Variants in NCAPD2 observed in about 807,000 individuals in gnomAD.
NCAPD2 encodes condensin complex subunit 1.
A neutral mutation model predicts 164.5 loss-of-function variants in NCAPD2; 100 were observed. The observed-to-expected ratio is 0.61, with a 90% CI of 0.52 to 0.72. The LOEUF (loss-of-function observed/expected upper bound fraction) is 0.72, where lower values mean the gene tolerates loss of function less well. Among genes scored for constraint, NCAPD2 ranks in the 30% least tolerant of loss-of-function variants. The probability of loss-of-function intolerance (pLI) is 0.00; values close to 1 mark genes in which losing one functional copy is unlikely to be tolerated. For missense variants in NCAPD2, 1,560 were observed against 1,749.2 expected, an observed-to-expected ratio of 0.89 and a Z score of 1.93; for synonymous variants, 585 against 642.6, an observed-to-expected ratio of 0.91 and a Z score of 1.36.
In NCAPD2 at chr12:6,530,818, G is replaced by A. The variant is rs774995287; in HGVS notation, c.3964+1G>A. ...CCATCAGCCAAGAAACCATCCACTGGTACGTAAGGCAGCCTGTGCGGGCGA... is the reference window on the plus strand; with the variant it reads ...CCATCAGCCAAGAAACCATCCACTGATACGTAAGGCAGCCTGTGCGGGCGA... On this transcript the variant is annotated splice_donor_variant, in intron 30 of 31. Transcript: ENST00000315579. LOFTEE classifies it high-confidence loss of function. 2.8e-5 allele frequency: 45 copies of A among 1,614,052 alleles called. No individual in the cohort carries two copies. The highest frequency in any genetic ancestry group is 3.7e-5 in the Non-Finnish European group (44 of 1,180,044).
chr12:6,527,211 C>A, intron 22 of NCAPD2, 148 bp downstream of exon 22: 2 of 860,704 alleles, frequency 2.3e-6, no homozygotes, highest in South Asian at 2.2e-5. Context: ...AGGAAAGGTT[C>A]GTGTGAACAA....
Position 6,528,543 on chromosome 12 carries a change from C to T in NCAPD2, c.3300-136C>T, listed in dbSNP as rs866494263. 5 of 1,209,436 alleles carry T rather than the reference C, an allele frequency of 4.1e-6. No homozygotes were observed. The highest frequency in any genetic ancestry group is 2.5e-4 in the Middle Eastern group (1 of 4,048). 74.9% of individuals were successfully genotyped at this position (1,209,436 alleles called of 1,614,324 possible). On this transcript the variant is annotated intron_variant, in intron 25 of 31. Coordinates refer to ENST00000315579, the MANE Select transcript of NCAPD2 (RefSeq NM_014865.4). This position sits in a 1 kb window ranked among gnomAD's most constrained non-coding sequence, Gnocchi z 5.1. ...CACCTCTTTCCCCCACTCCAGCTTT[C>T]AACTCTAGACAGCTTTCTGACTGCT... is the stretch of plus-strand genomic sequence containing the variant.
intron 2 of NCAPD2, among the ~76,000 whole-genome samples, chr12:6,504,182 C>CATATATATATATATAT (rs1176237960): frequency 1.2e-4 from 7 of 57,730 alleles, no homozygotes; most frequent in Admixed American, 2.2e-4. Flanking sequence ...TATATATATA[C>CATATATATATATATAT]ATATATATAT....
At chr12:6,516,789 T>C in intron 9 of NCAPD2, 39 bp from the exon 10 acceptor site, 1 of 1,600,572 alleles carries the variant, frequency 6.2e-7, no homozygotes, top group African/African-American at 1.3e-5. Context: ...AGCTTCGCCT[T>C]GACTAAAGGT....
Position 6,531,503 on chromosome 12 carries a change from CT to C in NCAPD2, c.*99del, listed in dbSNP as rs796305141. 0.043 allele frequency: 52,154 copies of C among 1,221,722 alleles called. 56 individuals carry two copies. The highest frequency in any genetic ancestry group is 0.098 in the East Asian group (2,818 of 28,856). 75.7% of individuals were successfully genotyped at this position (1,221,722 alleles called of 1,614,324 possible). A position where few individuals can be genotyped will look rare whatever the true frequency, so the allele number is the denominator to read the frequency against. On this transcript the variant is annotated 3_prime_UTR_variant, in exon 32 of 32. Transcript: ENST00000315579. This position sits in a 1 kb window ranked among gnomAD's most constrained non-coding sequence, Gnocchi z 4.1. ...TCCCTTGTAAAATATTTGTCTGTCT[CT>C]TTTTTTTAAAAAAAAAAAAGGCCGG... is the stretch of plus-strand genomic sequence containing the variant.
rs1234973613 is a variant in NCAPD2 at position 6,529,443 on chromosome 12, C to T, written c.3573-70C>T. 1.0e-5 allele frequency: 14 copies of T among 1,367,774 alleles called. No homozygotes were observed. In the Admixed American group the frequency reaches 2.4e-4, roughly 23 times the overall value. The allele number at this position is 1,367,774 out of a possible 1,614,324, so 84.7% of individuals were successfully genotyped here. A position where few individuals can be genotyped will look rare whatever the true frequency, so the allele number is the denominator to read the frequency against. Reference sequence around the variant, plus strand: ...AGAAGACGAGTGCTGGGGGAGGGTCCAGGGTTGGTCTTAGTGGATGGCAGA... The same window carrying T: ...AGAAGACGAGTGCTGGGGGAGGGTCTAGGGTTGGTCTTAGTGGATGGCAGA... On this transcript the variant is annotated intron_variant, in intron 27 of 31. Coordinates refer to ENST00000315579, the MANE Select transcript of NCAPD2 (RefSeq NM_014865.4).
In NCAPD2 at chr12:6,531,489, A is replaced by G; in HGVS notation, c.*77A>G. 3.2e-6 allele frequency: 5 copies of G among 1,568,546 alleles called. No homozygotes were observed. Among genetic ancestry groups the G allele is most frequent in the Non-Finnish European group, 4.3e-6 (5 of 1,158,872 alleles). On this transcript the variant is annotated 3_prime_UTR_variant, in exon 32 of 32. Transcript: ENST00000315579. This position sits in a 1 kb window ranked among gnomAD's most constrained non-coding sequence, Gnocchi z 4.1. ...ATTCGAATTCTGTTTCCCTTGTAAAATATTTGTCTGTCTCTTTTTTTTAAA... is the reference window on the plus strand; with the variant it reads ...ATTCGAATTCTGTTTCCCTTGTAAAGTATTTGTCTGTCTCTTTTTTTTAAA...
Position 6,528,044 on chromosome 12 carries a change from C to A in NCAPD2, c.3096C>A (p.Asp1032Glu), listed in dbSNP as rs1946332573. The A allele has an allele frequency of 1.2e-6, 2 of 1,614,128 alleles. No homozygotes were observed. Among genetic ancestry groups the A allele is most frequent in the East Asian group, 2.2e-5 (1 of 44,902 alleles). ...ACCCAGGCCTCTATAGCAACCCAGA[C>A]CTCTCTGCAGCTGCTTCACTTGCCC... The part of the protein sequence containing the change: ...CNNPGLYSNP[D>E]LSAAASLALG... The change falls in exon 24 of 32, where the codon GAC becomes GAA. Residue 1032 changes from aspartate to glutamate, a missense_variant. Transcript: ENST00000315579. The surrounding 1 kb of genome is among the most constrained non-coding windows in gnomAD (Gnocchi z 5.1).
intron 2 of NCAPD2, among the ~76,000 whole-genome samples, chr12:6,505,124 G>A (rs1447502756): frequency 6.6e-6 from 1 of 152,152 alleles, no homozygotes; most frequent in East Asian, 1.9e-4. Context: ...GGAGTGCAGT[G>A]GCATGATCTC....
At chr12:6,497,276 G>A (rs971879064) in intron 2 of NCAPD2, among the ~76,000 whole-genome samples, 8 of 142,658 alleles carry the variant, frequency 5.6e-5, no homozygotes, top group African/African-American at 2.1e-4. Flanking sequence ...TTATAATGAT[G>A]CATCATTTTT....
rs761167790 is a variant in NCAPD2, at chr12:6,517,404, G to A, written c.1225G>A (p.Ala409Thr). The change falls in exon 11 of 32, where the codon GCT becomes ACT. Residue 409 changes from alanine to threonine, a missense_variant. Ala to Thr is a moderately conservative substitution (Grantham distance 58). Transcript: ENST00000315579. ...ACGTTTCCAGGCAGTGGTGGCTTTA[G>A]CTGTGGGACGTCTGGCAGACAAGTC... is the stretch of plus-strand genomic sequence containing the variant. ...LTRFQAVVAL[A>T]VGRLADKSVL... 1 of 1,614,220 alleles carries A rather than the reference G, an allele frequency of 6.2e-7. No homozygotes were observed. The highest frequency in any genetic ancestry group is 8.5e-7 in the Non-Finnish European group (1 of 1,180,046).
chr12:6,530,625 C>T (rs557555619), intron 29 of NCAPD2, 66 bp from the exon 30 acceptor site: 75 of 1,598,492 alleles, frequency 4.7e-5, no homozygotes, highest in South Asian at 1.4e-4. Context: ...CTTCCATGGC[C>T]TTGTTTCTTT....
At chr12:6,497,472 G>C (rs1291974538) in intron 2 of NCAPD2, among the ~76,000 whole-genome samples, 11 of 151,808 alleles carry the variant, frequency 7.2e-5, no homozygotes, top group African/African-American at 2.4e-4. Flanking sequence ...CCTCTAACAG[G>C]CTCCATTGTG....
intron 2 of NCAPD2, among the ~76,000 whole-genome samples, chr12:6,504,402 G>C (rs1332451004): frequency 1.3e-5 from 2 of 151,296 alleles, no homozygotes; most frequent in Admixed American, 1.3e-4. Flanking sequence ...ATTTTGTTTT[G>C]TTTTGTTTTT....
chr12:6,497,299 C>CTTT (rs11382575), intron 2 of NCAPD2, among the ~76,000 whole-genome samples: 6 of 148,872 alleles, frequency 4.0e-5, no homozygotes, highest in Non-Finnish European at 7.4e-5. Flanking sequence ...AAATGGTCAC[C>CTTT]TTTTTTTTTT....
rs748324154 is a variant in NCAPD2 at position 6,530,792 on chromosome 12, G to T, written c.3939G>T (p.Ala1313=). The T allele has an allele frequency of 1.9e-6, 3 of 1,614,170 alleles. No homozygotes were observed. The African/African-American group carries it at 4.0e-5, about 22-fold the overall frequency. Residue 1313 remains alanine (A), a synonymous_variant, in exon 30 of 32, where the codon GCG becomes GCT. Transcript: ENST00000315579. ...LEIGQAGSQR[A]PSAKKPSTGS... ...TTGGCCAAGCAGGTAGCCAGAGAGC[G>T]CCATCAGCCAAGAAACCATCCACTG... is the stretch of plus-strand genomic sequence containing the variant.
chr12:6,504,497 A>G (rs1946080630), intron 2 of NCAPD2, among the ~76,000 whole-genome samples: 2 of 151,670 alleles, frequency 1.3e-5, no homozygotes, highest in Non-Finnish European at 2.9e-5. Flanking sequence ...GGTTCAAGTG[A>G]TTTTCCGGCC....
chr12:6,502,589 GT>G (rs1489071141), intron 2 of NCAPD2, among the ~76,000 whole-genome samples: 2 of 152,034 alleles, frequency 1.3e-5, no homozygotes, highest in Non-Finnish European at 2.9e-5. Flanking sequence ...ATGTGTTGTT[GT>G]TGTTGTTAAT....
In NCAPD2 at chr12:6,514,586, A is replaced by G; in HGVS notation, c.838A>G (p.Arg280Gly). 3 of 1,614,188 alleles carry G rather than the reference A, an allele frequency of 1.9e-6. No homozygotes were observed. Among genetic ancestry groups the G allele is most frequent in the Non-Finnish European group, 2.5e-6 (3 of 1,180,022 alleles). ...GMKSIVGEIV[R>G]EIGQKCPQEL... Reference sequence around the variant, plus strand: ...GAAGAGCATAGTGGGAGAGATTGTAAGGTGACTCTTCCTTCTCGAAGTTTC... The same window carrying G: ...GAAGAGCATAGTGGGAGAGATTGTAGGGTGACTCTTCCTTCTCGAAGTTTC... Residue 280 changes from arginine (R) to glycine (G), a missense_variant and splice_region_variant, in exon 8 of 32, where the codon AGA becomes GGA. Physicochemically the swap from Arg to Gly is moderately radical, Grantham distance 125. Transcript: ENST00000315579.
Sources: gnomAD v4.1 joint callset for allele counts (sites outside exome capture counted in the v4.1 genomes callset) on GRCh38, gnomAD v4.1.1 for gene constraint, Gnocchi (gnomAD v3.1) non-coding constraint, MANE v1.5 for transcripts, NCBI Gene and HGNC (gene_info 2026-07-23, HGNC 2026-07-21) for gene names.